Variants in UNC13B observed in about 807,000 individuals in gnomAD.
UNC13B encodes unc-13 homolog B.
Under a neutral mutation model 211.0 loss-of-function variants are expected in UNC13B, and 144 were observed. The observed-to-expected ratio is 0.68, with a 90% confidence interval of 0.60 to 0.78. The LOEUF is 0.78. Ranked by LOEUF, UNC13B falls within the 30% of genes least tolerant of loss-of-function variation. UNC13B has a pLI of 0.00. For missense variants in UNC13B, 1,777 were observed against 2,002.0 expected, an observed-to-expected ratio of 0.89 and a Z score of 2.14; for synonymous variants, 709 against 725.8, an observed-to-expected ratio of 0.98 and a Z score of 0.37.
Position 35,381,655 on chromosome 9 carries a change from G to A in UNC13B, c.10591G>A (p.Ala3531Thr). The A allele has an allele frequency of 6.2e-7, 1 of 1,614,230 alleles. No individual in the cohort carries two copies. The highest frequency in any genetic ancestry group is 8.5e-7 in the Non-Finnish European group (1 of 1,180,040). The change falls in exon 20 of 40, where the codon GCC (alanine) becomes ACC (threonine). Residue 3531 changes from alanine to threonine, a missense_variant. Coordinates refer to ENST00000635942, the MANE Select transcript of UNC13B (RefSeq NM_001371189.2). ...DAWKVYFDETAQEIVDEFAMR... is the reference protein window; with the variant it reads ...DAWKVYFDETTQEIVDEFAMR... ...CTGGAAGGTGTACTTTGATGAGACA[G>A]CCCAAGAAATTGTGGATGAATTTGC... is the stretch of plus-strand genomic sequence containing the variant.
At chr9:35,171,667 G>A (rs1273157742) in intron 1 of UNC13B, among the ~76,000 whole-genome samples, 1 of 152,182 alleles carries the variant, frequency 6.6e-6, no homozygotes, top group East Asian at 1.9e-4. Context: ...GACTCCCAAA[G>A]TTCTGAGGTG....
intron 6 of UNC13B, among the ~76,000 whole-genome samples, chr9:35,244,242 A>C (rs4498634): frequency 0.15 from 22,081 of 152,158 alleles, 1,871 homozygotes; most frequent in Admixed American, 0.25. Context: ...CAAAGAAAAA[A>C]AGAGATTCAA....
intron 1 of UNC13B, among the ~76,000 whole-genome samples, chr9:35,184,942 C>CT (rs1822277335): frequency 6.6e-6 from 1 of 151,910 alleles, no homozygotes; most frequent in Non-Finnish European, 1.5e-5. Context: ...GTTTTATAAT[C>CT]TTTTTTCTTG....
At chr9:35,284,793 A>G (rs916609230) in intron 7 of UNC13B, among the ~76,000 whole-genome samples, 2 of 152,174 alleles carry the variant, frequency 1.3e-5, no homozygotes, top group African/African-American at 2.4e-5. Flanking sequence ...ACTACAATTT[A>G]GTAGTTGATA....
intron 11 of UNC13B, chr9:35,353,441 G>C: frequency 8.1e-7 from 1 of 1,232,286 alleles, no homozygotes; most frequent in African/African-American, 1.5e-5. Context: ...GGGTGCCCAG[G>C]ATTGCTCACT....
intron 8 of UNC13B, among the ~76,000 whole-genome samples, chr9:35,297,811 A>C (rs1259819564): frequency 6.7e-6 from 1 of 149,402 alleles, no homozygotes. Context: ...GGCCTCCCAA[A>C]GTGCTGGGAT....
intron 13 of UNC13B, among the ~76,000 whole-genome samples, chr9:35,371,631 C>G (rs1469753251): frequency 6.6e-6 from 1 of 151,472 alleles, no homozygotes; most frequent in Admixed American, 6.6e-5. Context: ...ACTTTTTTTC[C>G]TCATCCTTTC....
chr9:35,349,516 G>A (rs1004964562), intron 11 of UNC13B, among the ~76,000 whole-genome samples: 4 of 152,104 alleles, frequency 2.6e-5, no homozygotes, highest in Non-Finnish European at 4.4e-5. Flanking sequence ...GTGCATCCTC[G>A]CAGGCTAGAC....
At chr9:35,254,340 T>A (rs1426955056) in intron 6 of UNC13B, among the ~76,000 whole-genome samples, 3 of 152,212 alleles carry the variant, frequency 2.0e-5, no homozygotes, top group Non-Finnish European at 4.4e-5. Flanking sequence ...ATTCATTGTC[T>A]GGTGAGGGCC....
intron 7 of UNC13B, among the ~76,000 whole-genome samples, chr9:35,267,045 A>G (rs1432969502): frequency 6.6e-6 from 1 of 152,188 alleles, no homozygotes; most frequent in East Asian, 1.9e-4. Flanking sequence ...CTTGAATGAG[A>G]GGAGAGAAAT....
intron 11 of UNC13B, among the ~76,000 whole-genome samples, chr9:35,330,398 T>G (rs1024382322): frequency 3.3e-5 from 5 of 152,170 alleles, no homozygotes; most frequent in African/African-American, 1.2e-4. Context: ...GACACTGCTG[T>G]TTTTTTGGCT....
intron 11 of UNC13B, among the ~76,000 whole-genome samples, chr9:35,335,745 A>G (rs1249333220): frequency 6.7e-6 from 1 of 148,598 alleles, no homozygotes; most frequent in Non-Finnish European, 1.5e-5. Flanking sequence ...GCTGGAGTGC[A>G]GTGGCACAAT....
intron 26 of UNC13B, among the ~76,000 whole-genome samples, chr9:35,394,793 G>A (rs1835767628): frequency 6.6e-6 from 1 of 152,162 alleles, no homozygotes; most frequent in Admixed American, 6.5e-5. Flanking sequence ...AACTTTACTG[G>A]AGCATGACTC....
At chr9:35,173,146 A>C (rs1265091348) in intron 1 of UNC13B, among the ~76,000 whole-genome samples, 1 of 152,218 alleles carries the variant, frequency 6.6e-6, no homozygotes, top group African/African-American at 2.4e-5. Flanking sequence ...GCAGTTGGAC[A>C]GTGGGAAGAT....
intron 1 of UNC13B, among the ~76,000 whole-genome samples, chr9:35,179,248 A>G (rs1474959762): frequency 1.3e-5 from 2 of 152,220 alleles, no homozygotes; most frequent in Non-Finnish European, 2.9e-5. Flanking sequence ...GAGTCTCACT[A>G]TAGCTGTGGT....
intron 11 of UNC13B, among the ~76,000 whole-genome samples, chr9:35,320,117 A>G (rs1211000618): frequency 3.3e-5 from 5 of 152,034 alleles, no homozygotes; most frequent in Admixed American, 3.3e-4. Flanking sequence ...TATGTACCAC[A>G]TTTTCTTTAT....
At position 35,271,138 on chromosome 9, in the gene UNC13B, C is replaced by CAA. The variant is rs34349679; in HGVS notation, c.526+12107_526+12108dup. Among the ~76,000 whole-genome samples, 485 of 75,628 alleles carry CAA rather than the reference C, an allele frequency of 6.4e-3. 8 individuals are homozygous for CAA. The highest frequency in any genetic ancestry group is 0.023 in the Middle Eastern group (3 of 128). The allele number at this position is 75,628 out of a possible 152,430, so 49.6% of individuals were successfully genotyped here. ...TGGATGACAGAGTGAGACTCCATTT[C>CAA]AAAAAAAAAAAAAAAAAAAAGGACA... On this transcript the variant is annotated intron_variant, in intron 7 of 39. Transcript: ENST00000635942.
intron 1 of UNC13B, among the ~76,000 whole-genome samples, chr9:35,220,080 G>A (rs1261983826): frequency 1.3e-5 from 2 of 151,910 alleles, no homozygotes; most frequent in Non-Finnish European, 2.9e-5. Flanking sequence ...CTTTAGCAGA[G>A]TTTGTTTATG....
At chr9:35,170,903 A>G (rs1285113973) in intron 1 of UNC13B, among the ~76,000 whole-genome samples, 1 of 151,920 alleles carries the variant, frequency 6.6e-6, no homozygotes, top group African/African-American at 2.4e-5. Context: ...AATCTTGCCA[A>G]GCTCAGGTGA....
Sources: allele counts gnomAD v4.1 joint callset (sites outside exome capture counted in the v4.1 genomes callset), GRCh38; gene constraint gnomAD v4.1.1; transcripts MANE v1.5; gene names NCBI Gene and HGNC (gene_info 2026-07-23, HGNC 2026-07-21).